SLCO3A1: variants seen among roughly 807,000 people sequenced by gnomAD.
The protein encoded by SLCO3A1 is solute carrier organic anion transporter family member 3A1.
A neutral mutation model predicts 63.1 loss-of-function variants in SLCO3A1; 27 were observed. The observed-to-expected ratio is 0.43, with a 90% CI of 0.32 to 0.59. The LOEUF (loss-of-function observed/expected upper bound fraction) is 0.59, where lower values mean the gene tolerates loss of function less well. SLCO3A1 is among the 20% of genes least tolerant of loss of function. The pLI is 0.09. For synonymous variants in SLCO3A1, 473 were observed against 409.9 expected (o/e 1.15, Z -1.86); for missense variants, 773 against 945.8 (o/e 0.82, Z 2.40).
intron 10 of SLCO3A1, chr15:92,171,761 T>C: frequency 6.5e-7 from 1 of 1,533,446 alleles, no homozygotes; most frequent in Non-Finnish European, 8.8e-7. Flanking sequence ...TTGGCTCTTC[T>C]TCCCTCCTCC....
At chr15:92,065,827 A>G (rs2047144382) in intron 2 of SLCO3A1, among the ~76,000 whole-genome samples, 1 of 152,206 alleles carries the variant, frequency 6.6e-6, no homozygotes, top group Non-Finnish European at 1.5e-5. Context: ...AACATTTACA[A>G]CTATTCCTGG....
At chr15:92,147,245 A>T in intron 8 of SLCO3A1, 86 bp downstream of exon 8, 1 of 1,365,040 alleles carries the variant, frequency 7.3e-7, no homozygotes, top group East Asian at 2.3e-5. Context: ...TTCAGACAAC[A>T]GGAATCTCTC....
In SLCO3A1 at chr15:91,854,156, C is replaced by T; in HGVS notation, c.180+68C>T. The T allele has an allele frequency of 3.1e-6, 4 of 1,272,172 alleles. 1 individual carries two copies. The South Asian group carries it at 6.9e-5, about 22-fold the overall frequency. 78.8% of individuals were successfully genotyped at this position (1,272,172 alleles called of 1,614,324 possible). On this transcript the variant is annotated intron_variant, in intron 1 of 9. Transcript: ENST00000318445. This position sits in a 1 kb window ranked among gnomAD's most constrained non-coding sequence, Gnocchi z 6.4. ...CCGGCTCTCGAGCGGCCGCCTGGCC[C>T]GACGAGGGGGCCGCCCGGCGCTGGG...
intron 1 of SLCO3A1, among the ~76,000 whole-genome samples, chr15:91,858,171 A>G (rs1390280929): frequency 2.0e-5 from 3 of 152,156 alleles, no homozygotes; most frequent in Non-Finnish European, 4.4e-5. Flanking sequence ...TATTCAACCC[A>G]GAAGCAGACA....
rs116640405 is a variant in SLCO3A1, at chr15:91,992,660, C to G, written c.646+76202C>G. ...CAGTCAAGATGTGGTCATTTATGCT[C>G]CCTTGCTACCAGAAGGGACACAGCT... On this transcript the variant is annotated intron_variant, in intron 2 of 9. Coordinates refer to ENST00000318445, the MANE Select transcript of SLCO3A1 (RefSeq NM_013272.4). Among the ~76,000 whole-genome samples the G allele has an allele frequency of 5.4e-3, 816 of 152,286 alleles. 7 individuals carry two copies. Among genetic ancestry groups the G allele is most frequent in the African/African-American group, 0.019 (778 of 41,564 alleles).
intron 2 of SLCO3A1, among the ~76,000 whole-genome samples, chr15:91,931,201 A>G (rs1315653946): frequency 1.3e-5 from 2 of 152,232 alleles, no homozygotes; most frequent in Non-Finnish European, 1.5e-5. Context: ...GAGCTCACGT[A>G]AACTCGGTTT....
intron 2 of SLCO3A1, among the ~76,000 whole-genome samples, chr15:92,067,306 C>A (rs1396791537): frequency 1.3e-5 from 2 of 152,196 alleles, no homozygotes; most frequent in Non-Finnish European, 2.9e-5. Flanking sequence ...AGTTCGATCC[C>A]CTCCTCCCTC....
At chr15:91,962,592 G>A (rs1405171942) in intron 2 of SLCO3A1, among the ~76,000 whole-genome samples, 2 of 151,996 alleles carry the variant, frequency 1.3e-5, no homozygotes, top group African/African-American at 4.8e-5. Flanking sequence ...GCTGAGGAGG[G>A]AAGTGGAGCC....
At chr15:91,939,619 G>C (rs746512304) in intron 2 of SLCO3A1, among the ~76,000 whole-genome samples, 71 of 152,204 alleles carry the variant, frequency 4.7e-4, no homozygotes, top group Non-Finnish European at 7.6e-4. Flanking sequence ...GTGTTTCATG[G>C]GTCCTGCATG....
chr15:92,094,541 T>G (rs946834207), intron 2 of SLCO3A1, among the ~76,000 whole-genome samples: 1 of 152,146 alleles, frequency 6.6e-6, no homozygotes, highest in Non-Finnish European at 1.5e-5. Flanking sequence ...AAAAGCAAAA[T>G]TATAAAAGCC....
At chr15:92,046,620 G>A (rs1232422947) in intron 2 of SLCO3A1, among the ~76,000 whole-genome samples, 1 of 152,034 alleles carries the variant, frequency 6.6e-6, no homozygotes, top group Non-Finnish European at 1.5e-5. Flanking sequence ...TGCAGTACAG[G>A]CTGCCTTGTC....
intron 1 of SLCO3A1, among the ~76,000 whole-genome samples, chr15:91,871,443 C>T (rs1897276289): frequency 6.6e-6 from 1 of 152,156 alleles, no homozygotes; most frequent in South Asian, 2.1e-4. Context: ...ACGTTGGACT[C>T]CCAGAGTCTT....
At chr15:92,010,860 A>G (rs1427057345) in intron 2 of SLCO3A1, among the ~76,000 whole-genome samples, 2 of 152,168 alleles carry the variant, frequency 1.3e-5, no homozygotes, top group Non-Finnish European at 2.9e-5. Context: ...GTTCTGAAAA[A>G]ATAGCTGGGA....
In SLCO3A1 at chr15:91,882,774, G is replaced by A. The variant is rs540671977; in HGVS notation, c.180+28686G>A. On this transcript the variant is annotated intron_variant, in intron 1 of 9. Coordinates refer to ENST00000318445, the MANE Select transcript of SLCO3A1 (RefSeq NM_013272.4). This position sits in a 1 kb window ranked among gnomAD's most constrained non-coding sequence, Gnocchi z 4.4. ...TGACCTCAGGTCATCTGCCCATCTCGGCCTTCCAAAGTGCTGAGATTACAG... is the reference window on the plus strand; with the variant it reads ...TGACCTCAGGTCATCTGCCCATCTCAGCCTTCCAAAGTGCTGAGATTACAG... Among the ~76,000 whole-genome samples the A allele has an allele frequency of 3.3e-5, 5 of 152,230 alleles. No homozygotes were observed. Among genetic ancestry groups the A allele is most frequent in the African/African-American group, 1.2e-4 (5 of 41,526 alleles).
At chr15:91,998,459 T>TA (rs1190753127) in intron 2 of SLCO3A1, among the ~76,000 whole-genome samples, 62 of 142,746 alleles carry the variant, frequency 4.3e-4, no homozygotes, top group Admixed American at 4.9e-4. Context: ...GCCTCAAAAA[T>TA]AAAAAAAAAA....
At chr15:91,895,464 C>G (rs11074024) in intron 1 of SLCO3A1, among the ~76,000 whole-genome samples, 85,176 of 152,086 alleles carry the variant, frequency 0.56, 26,624 homozygotes, top group East Asian at 0.84. Flanking sequence ...TTCTTGTATA[C>G]AAGGGGCTAG....
At chr15:92,040,862 C>T (rs994636088) in intron 2 of SLCO3A1, among the ~76,000 whole-genome samples, 20 of 152,020 alleles carry the variant, frequency 1.3e-4, no homozygotes, top group African/African-American at 3.6e-4. Context: ...CCAGATGCAA[C>T]GTGTAGAAAT....
rs569072542 is a variant in SLCO3A1, at chr15:92,157,434, T to C, written c.1754-5322T>C. ...ACTAAAGTACACCTGGCCCCCCCCC[T>C]TGTCCTCCCTTCTGGACACACCTGA... On this transcript the variant is annotated intron_variant, in intron 9 of 9. Coordinates refer to ENST00000318445, the MANE Select transcript of SLCO3A1 (RefSeq NM_013272.4). Among the ~76,000 whole-genome samples, 237 of 149,520 alleles carry C rather than the reference T, an allele frequency of 1.6e-3. 1 individual carries two copies. Among genetic ancestry groups the C allele is most frequent in the African/African-American group, 5.6e-3 (223 of 40,174 alleles).
chr15:92,051,961 A>T (rs752182608), intron 2 of SLCO3A1, among the ~76,000 whole-genome samples: 15 of 152,128 alleles, frequency 9.9e-5, no homozygotes, highest in Non-Finnish European at 1.6e-4. Flanking sequence ...GTTGGTGATG[A>T]CCTCACGAGG....
Sources: allele counts gnomAD v4.1 joint callset (sites outside exome capture counted in the v4.1 genomes callset), GRCh38; gene constraint gnomAD v4.1.1; non-coding constraint Gnocchi (gnomAD v3.1); transcripts MANE v1.5; gene names NCBI Gene and HGNC (gene_info 2026-07-23, HGNC 2026-07-21).